CNOT2: variants seen among roughly 807,000 people sequenced by gnomAD.
CNOT2 encodes the protein CC chemokine receptor 4-negative regulator of transcription 2.
Under a neutral mutation model 72.1 loss-of-function variants are expected in CNOT2, and 7 were observed. The observed-to-expected ratio is 0.10, with a 90% CI of 0.06 to 0.18. The LOEUF (loss-of-function observed/expected upper bound fraction) is 0.18. Ranked by LOEUF, CNOT2 falls within the 10% of genes least tolerant of loss-of-function variation. CNOT2 has a pLI of 1.00. For missense variants in CNOT2, 345 were observed against 660.3 expected, an observed-to-expected ratio of 0.52 and a Z score of 5.23; for synonymous variants, 196 against 225.6, an observed-to-expected ratio of 0.87 and a Z score of 1.17.
chr12:70,281,093 T>TG (rs1869750125), intron 2 of CNOT2, among the ~76,000 whole-genome samples: 2 of 151,022 alleles, frequency 1.3e-5, no homozygotes, highest in African/African-American at 4.9e-5. Context: ...CCTTTTTTTT[T>TG]TTTTTTCTTT....
chr12:70,294,264 A>G (rs1458710686), intron 2 of CNOT2: 2 of 1,289,462 alleles, frequency 1.6e-6, no homozygotes, highest in Non-Finnish European at 2.0e-6. Context: ...TCCAATCCCC[A>G]GAGTAGCAAA....
chr12:70,244,847 G>A (rs907208849), intron 1 of CNOT2, among the ~76,000 whole-genome samples: 4 of 152,186 alleles, frequency 2.6e-5, no homozygotes, highest in Non-Finnish European at 4.4e-5. Context: ...AACATATTTA[G>A]TGTCATGCTT....
chr12:70,279,375 C>A (rs1175246430), intron 2 of CNOT2, among the ~76,000 whole-genome samples: 1 of 152,156 alleles, frequency 6.6e-6, no homozygotes, highest in Non-Finnish European at 1.5e-5. Context: ...TCATATTTAA[C>A]CTTTCTAGAA....
intron 1 of CNOT2, among the ~76,000 whole-genome samples, chr12:70,277,473 A>G (rs1268342701): frequency 6.6e-6 from 1 of 152,094 alleles, no homozygotes; most frequent in African/African-American, 2.4e-5. Context: ...GCCCAATGTA[A>G]AAAAGTGAAT....
At chr12:70,308,582 TCTCACA>T (rs1240542194) in intron 2 of CNOT2, among the ~76,000 whole-genome samples, 3 of 117,928 alleles carry the variant, frequency 2.5e-5, no homozygotes, top group African/African-American at 6.5e-5. Flanking sequence ...TCTCTCTCTC[TCTCACA>T]CACACACACA....
chr12:70,304,615 G>C (rs552630851), intron 2 of CNOT2, among the ~76,000 whole-genome samples: 15 of 152,326 alleles, frequency 9.8e-5, no homozygotes, highest in African/African-American at 3.4e-4. Flanking sequence ...CCCCTACTGG[G>C]GGGTCAGGGA....
chr12:70,344,833 A>T (rs1881961299), intron 14 of CNOT2: 1 of 152,198 alleles, frequency 6.6e-6, no homozygotes, highest in Non-Finnish European at 1.5e-5. Flanking sequence ...GATATTCATG[A>T]CTATGTTTTT....
intron 1 of CNOT2, among the ~76,000 whole-genome samples, chr12:70,272,802 A>C (rs1353618170): frequency 1.3e-5 from 2 of 152,012 alleles, no homozygotes; most frequent in Non-Finnish European, 2.9e-5. Flanking sequence ...GACCTGTAAC[A>C]CTTCCTCCCA....
chr12:70,258,450 A>G lies in CNOT2; in HGVS notation c.-96+14970A>G, dbSNP rs534014765. Among the ~76,000 whole-genome samples, 10 of 152,358 alleles carry G rather than the reference A, an allele frequency of 6.6e-5. No individual in the cohort carries two copies. In the East Asian group the frequency reaches 1.9e-3, roughly 29 times the overall value. On this transcript the variant is annotated intron_variant, in intron 1 of 15. Coordinates refer to ENST00000229195, the MANE Select transcript of CNOT2 (RefSeq NM_014515.7). ...TCTGGAGGGCTTCAAAATCACTTTC[A>G]TATCTGTGGATGTATTTGAAAATAG... is the stretch of plus-strand genomic sequence containing the variant.
At position 70,329,602 on chromosome 12, in the gene CNOT2, A is replaced by G. The variant is rs755824919; in HGVS notation, c.386+32A>G. 3.3e-6 allele frequency: 5 copies of G among 1,534,656 alleles called. No individual in the cohort carries two copies. The African/African-American group carries it at 5.5e-5, about 17-fold the overall frequency. On this transcript the variant is annotated intron_variant, in intron 5 of 15. Transcript: ENST00000229195. ...ATTGATGGACCAGAATATTTTTCAA[A>G]ATGTATCTTGGTAGAGTAAACAAAC...
chr12:70,324,846 TATTGTAAC>T (rs1878835940), intron 4 of CNOT2, among the ~76,000 whole-genome samples: 1 of 151,838 alleles, frequency 6.6e-6, no homozygotes, highest in South Asian at 2.1e-4. Context: ...CAGACTGAAC[TATTGTAAC>T]ATTTATACCC....
rs73324142 is a variant in CNOT2, at chr12:70,346,475, T to C, written c.1536+151T>C. The C allele has an allele frequency of 5.7e-3, 3,143 of 547,886 alleles. 78 individuals are homozygous for C. Among genetic ancestry groups the C allele is most frequent in the African/African-American group, 0.055 (2,841 of 51,598 alleles). The allele number at this position is 547,886 out of a possible 1,614,324, so 33.9% of individuals were successfully genotyped here. On this transcript the variant is annotated intron_variant, in intron 15 of 15. Transcript: ENST00000229195. ...ATTCCATCTCCTTGGCTTGACACTC[T>C]TAGAAGAGTGTCCCAAAACAATTGG...
intron 2 of CNOT2, among the ~76,000 whole-genome samples, chr12:70,300,067 G>T (rs1873626082): frequency 1.3e-5 from 2 of 151,978 alleles, no homozygotes. Context: ...CTTTTTGATG[G>T]GGTTGTTTTT....
At chr12:70,296,914 A>T (rs1872905231) in intron 2 of CNOT2, among the ~76,000 whole-genome samples, 1 of 152,346 alleles carries the variant, frequency 6.6e-6, no homozygotes, top group South Asian at 2.1e-4. Context: ...TTGTAACAAT[A>T]TAATATTTGA....
intron 2 of CNOT2, among the ~76,000 whole-genome samples, chr12:70,280,756 G>C (rs1869675276): frequency 6.6e-6 from 1 of 152,110 alleles, no homozygotes; most frequent in Admixed American, 6.5e-5. Flanking sequence ...GGCTTGGTTT[G>C]AAGTATTGAT....
At chr12:70,281,656 A>G (rs1276158328) in intron 2 of CNOT2, among the ~76,000 whole-genome samples, 1 of 152,138 alleles carries the variant, frequency 6.6e-6, no homozygotes, top group Non-Finnish European at 1.5e-5. Context: ...TCCAGACGTC[A>G]CCCTATGGTA....
intron 9 of CNOT2, 62 bp from the exon 10 acceptor site, chr12:70,338,381 T>C: frequency 7.3e-7 from 1 of 1,375,164 alleles, no homozygotes; most frequent in Non-Finnish European, 1.0e-6. Flanking sequence ...GGTATTAATA[T>C]GTGAACTTGA....
chr12:70,256,464 T>C (rs1290039819), intron 1 of CNOT2, among the ~76,000 whole-genome samples: 1 of 152,042 alleles, frequency 6.6e-6, no homozygotes. Context: ...TTTTGGATTC[T>C]TGTATATTGA....
intron 4 of CNOT2, 59 bp from the exon 5 acceptor site, chr12:70,329,364 T>C (rs145255663): frequency 1.4e-6 from 2 of 1,415,120 alleles, no homozygotes; most frequent in Non-Finnish European, 2.0e-6. Context: ...CTCCAGAAGA[T>C]GGATAACAAT....
Sources: gnomAD v4.1 joint callset for allele counts (sites outside exome capture counted in the v4.1 genomes callset) on GRCh38, gnomAD v4.1.1 for gene constraint, MANE v1.5 for transcripts, NCBI Gene and HGNC (gene_info 2026-07-23, HGNC 2026-07-21) for gene names.